CLSPN: variants seen among roughly 807,000 people sequenced by gnomAD.
CLSPN encodes claspin, also known as claspin homolog.
In CLSPN, 85 loss-of-function variants were observed where a neutral mutation model predicts 156.3. The observed-to-expected ratio is 0.54, with a 90% CI of 0.46 to 0.65. The LOEUF is 0.65. Among genes scored for constraint, CLSPN ranks in the 30% least tolerant of loss-of-function variants. The pLI, the probability that CLSPN is intolerant of heterozygous loss-of-function variation, is 0.00. For missense variants in CLSPN, 1,407 were observed against 1,554.9 expected (o/e 0.90, Z 1.60); for synonymous variants, 534 against 542.4 (o/e 0.98, Z 0.22).
At chr1:35,756,027 T>A (rs1171136677) in intron 8 of CLSPN, among the ~76,000 whole-genome samples, 3 of 152,214 alleles carry the variant, frequency 2.0e-5, no homozygotes, top group Non-Finnish European at 4.4e-5. Flanking sequence ...CAAATCATAC[T>A]TCGGTGTTTT....
At position 35,735,032 on chromosome 1, in the gene CLSPN, C is replaced by A. The variant is rs1460536913; in HGVS notation, c.*1464G>T. 4.1e-6 allele frequency: 4 copies of A among 985,224 alleles called. No individual in the cohort carries two copies. In the African/African-American group the frequency reaches 7.0e-5, roughly 17 times the overall value. The allele number at this position is 985,224 out of a possible 1,614,324, so 61.0% of individuals were successfully genotyped here. On this transcript the variant is annotated 3_prime_UTR_variant, in exon 25 of 25. Transcript: ENST00000318121. ...TTCTCTCAAAATTAGTAATGAAATGCTGAAATGTCCATTGATTAGTGAGGG... is the reference window on the plus strand; with the variant it reads ...TTCTCTCAAAATTAGTAATGAAATGATGAAATGTCCATTGATTAGTGAGGG...
At chr1:35,726,764 C>T (rs1641201015) in intron 24 of CLSPN, among the ~76,000 whole-genome samples, 3 of 152,142 alleles carry the variant, frequency 2.0e-5, no homozygotes, top group East Asian at 1.9e-4. Context: ...ATCCCAGGCA[C>T]GGAGCTTGCC....
At chr1:35,767,872 A>G (rs1461837324) in intron 1 of CLSPN, among the ~76,000 whole-genome samples, 1 of 152,216 alleles carries the variant, frequency 6.6e-6, no homozygotes, top group African/African-American at 2.4e-5. Flanking sequence ...TAAATAAGAC[A>G]GTTTAAAAAG....
rs1571192821 is a variant in CLSPN, at chr1:35,737,759, C to T, written c.3664+233G>A. ...GAAAGCCAGAATTAACTACTCTGAG[C>T]CTTAGAACATAAAGTAAAACCAGCC... On this transcript the variant is annotated intron_variant, in intron 22 of 24. Coordinates refer to ENST00000318121, the MANE Select transcript of CLSPN (RefSeq NM_022111.4). 1.1e-5 allele frequency: 5 copies of T among 445,882 alleles called. No homozygotes were observed. The East Asian group carries it at 1.3e-4, about 11-fold the overall frequency. The allele number at this position is 445,882 out of a possible 1,614,324, so 27.6% of individuals were successfully genotyped here.
At chr1:35,751,119 G>A in intron 10 of CLSPN, 131 bp downstream of exon 10, 1 of 1,086,496 alleles carries the variant, frequency 9.2e-7, no homozygotes, top group Non-Finnish European at 1.3e-6. Flanking sequence ...GGATATATGA[G>A]GTAGTTACCC....
intron 8 of CLSPN, among the ~76,000 whole-genome samples, chr1:35,759,832 T>TC (rs1235859924): frequency 1.4e-4 from 20 of 145,210 alleles, no homozygotes; most frequent in African/African-American, 5.1e-4. Flanking sequence ...CAACAACCTT[T>TC]TTTTTTTTTT....
exon 25 of CLSPN, chr1:35,720,754 C>G (rs559228413): frequency 1.8e-6 from 1 of 550,686 alleles, no homozygotes; most frequent in South Asian, 3.0e-5. Context: ...CCCAAATCCT[C>G]ACTCCTAAAG....
In CLSPN at chr1:35,754,001, T is replaced by C. The variant is rs1168078846; in HGVS notation, c.1580-65A>G. 8.1e-6 allele frequency: 12 copies of C among 1,475,170 alleles called. No homozygotes were observed. The East Asian group carries it at 1.2e-4, about 14-fold the overall frequency. The allele number at this position is 1,475,170 out of a possible 1,614,324, so 91.4% of individuals were successfully genotyped here. A position where few individuals can be genotyped will look rare whatever the true frequency, so the allele number is the denominator to read the frequency against. ...TCAAAACTCTTTCCTTTAAGACTTA[T>C]AAGCTAAGTTTTTTTTAGCTCAACA... On this transcript the variant is annotated intron_variant, in intron 8 of 24. Transcript: ENST00000318121.
chr1:35,727,291 C>A (rs1246935528), downstream of CLSPN, among the ~76,000 whole-genome samples: 5 of 152,218 alleles, frequency 3.3e-5, no homozygotes, highest in Non-Finnish European at 7.3e-5. Context: ...CCAGTGACAG[C>A]CTCAGCCAAC....
intron 8 of CLSPN, among the ~76,000 whole-genome samples, chr1:35,755,644 T>C (rs1370149005): frequency 1.3e-5 from 2 of 152,132 alleles, no homozygotes; most frequent in African/African-American, 4.8e-5. Flanking sequence ...TGGACTGAAA[T>C]GATCCACCCT....
Position 35,763,164 on chromosome 1 carries a change from T to A in CLSPN, c.740A>T (p.His247Leu). 6.4e-7 allele frequency: 1 copy of A among 1,567,394 alleles called. No individual in the cohort carries two copies. The highest frequency in any genetic ancestry group is 8.6e-7 in the Non-Finnish European group (1 of 1,161,604). The change falls in exon 4 of 25, where the codon CAC becomes CTC. Residue 247 changes from histidine to leucine, a missense_variant. Transcript: ENST00000318121. Reference protein sequence around the residue: ...RAAVKNKVKKHKKKEPSLESG... With the variant: ...RAAVKNKVKKLKKKEPSLESG... ...TTGCAATCATGCTTTACTTGCCTTG[T>A]GCTTTTTTACTTTGTTTTTTACAGC...
chr1:35,760,470 C>T lies in CLSPN; in HGVS notation c.1451G>A (p.Gly484Glu). The stretch of plus-strand genomic sequence containing the variant: ...AAACCGTCTCACTTTTTCAGGTGGC[C>T]CAACTGCTGATGATTTATTTTGCTG... ...PEQQNKSSAV[G>E]PPEKVRRFTL... is the part of the protein sequence containing the mutation. The change falls in exon 8 of 25, where the codon GGG becomes GAG. Residue 484 changes from glycine (G) to glutamate (E), a missense_variant. Gly to Glu is a moderately conservative substitution (Grantham distance 98). Transcript: ENST00000318121. 1 of 1,614,132 alleles carries T rather than the reference C, an allele frequency of 6.2e-7. No homozygotes were observed.
At chr1:35,768,538 G>C (rs1642752246) in intron 1 of CLSPN, among the ~76,000 whole-genome samples, 1 of 151,696 alleles carries the variant, frequency 6.6e-6, no homozygotes, top group African/African-American at 2.4e-5. Flanking sequence ...CACCCGAGTA[G>C]CTGGGACCGA....
In CLSPN at chr1:35,739,252, G is replaced by C; in HGVS notation, c.3314C>G (p.Thr1105Ser). 2 of 1,614,124 alleles carry C rather than the reference G, an allele frequency of 1.2e-6. No individual in the cohort carries two copies. The highest frequency in any genetic ancestry group is 8.5e-7 in the Non-Finnish European group (1 of 1,180,028). The part of the protein sequence containing the change: ...QSQIKKIHMK[T>S]MLDDDKRQLR... ...CTGTCGCTTATCATCATCCAACATA[G>C]TTTTCCTGCAACAGGAGAAATAAGG... is the stretch of plus-strand genomic sequence containing the variant. The change falls in exon 20 of 25, where the codon ACT (threonine) becomes AGT (serine). Residue 1105 changes from threonine (T) to serine (S), a missense_variant. Transcript: ENST00000318121.
rs569293388 is a variant in CLSPN, at chr1:35,737,467, G to C, written c.3665-46C>G. 8.3e-6 allele frequency: 12 copies of C among 1,447,468 alleles called. No individual in the cohort carries two copies. The East Asian group carries it at 2.5e-4, about 30-fold the overall frequency. 89.7% of individuals were successfully genotyped at this position (1,447,468 alleles called of 1,614,324 possible). A position where few individuals can be genotyped will look rare whatever the true frequency, so the allele number is the denominator to read the frequency against. On this transcript the variant is annotated intron_variant, in intron 22 of 24. Transcript: ENST00000318121. ...GGCCTATTCTGGGAAAAGCTGATTAGAATTACTTTTAAATCTAAACAAGCT... is the reference window on the plus strand; with the variant it reads ...GGCCTATTCTGGGAAAAGCTGATTACAATTACTTTTAAATCTAAACAAGCT...
At chr1:35,762,195 C>G (rs1484462869) in intron 5 of CLSPN, 125 bp from the exon 6 acceptor site, 8 of 818,094 alleles carry the variant, frequency 9.8e-6, no homozygotes, top group Non-Finnish European at 1.6e-5. Context: ...TGAGTAAGCC[C>G]AAATGCAGTA....
rs1252545479 is a variant in CLSPN, at chr1:35,760,768, T to C, written c.1153A>G (p.Lys385Glu). Residue 385 changes from lysine (K) to glutamate (E), a missense_variant, in exon 8 of 25, where the codon AAG (lysine) becomes GAG (glutamate). Around this residue, in one of 3 missense-constraint regions of CLSPN, gnomAD observed 1,096 missense variants for 1,193.0 expected, o/e 0.92. Transcript: ENST00000318121. Reference sequence around the variant, plus strand: ...GATCCAGTAATGATCTGGGTTTCCTTTGAAACTACAGGGAGTGCATTAGTT... The same window carrying C: ...GATCCAGTAATGATCTGGGTTTCCTCTGAAACTACAGGGAGTGCATTAGTT... ...VETNALPVVS[K>E]ETQIITGSDE... The C allele has an allele frequency of 6.2e-7, 1 of 1,613,886 alleles. No homozygotes were observed. The highest frequency in any genetic ancestry group is 8.5e-7 in the Non-Finnish European group (1 of 1,180,040).
Position 35,769,947 on chromosome 1 carries a change from C to T in CLSPN, c.-77G>A. The T allele has an allele frequency of 6.4e-7, 1 of 1,557,540 alleles. No individual in the cohort carries two copies. Among genetic ancestry groups the T allele is most frequent in the Middle Eastern group, 1.7e-4 (1 of 5,920 alleles). ...TCAGCCGGAGAGCAGCGGCTCCCGC[C>T]GTCTCCAGCCCAGCAGTGCTGTTCT... On this transcript the variant is annotated 5_prime_UTR_variant, in exon 1 of 25. Coordinates refer to ENST00000318121, the MANE Select transcript of CLSPN (RefSeq NM_022111.4).
rs1641847735 is a variant in CLSPN at position 35,745,500 on chromosome 1, G to C, written c.2917C>G (p.Pro973Ala). The C allele has an allele frequency of 6.2e-7, 1 of 1,614,004 alleles. No homozygotes were observed. The highest frequency in any genetic ancestry group is 2.2e-5 in the East Asian group (1 of 44,884). ...KQEKESSMGD[P>A]MEEALALCSG... ...CAAAGAGCAAGTGCTTCTTCCATTG[G>C]ATCACCCATGCTGCTCTCCTTCTCC... The change falls in exon 16 of 25, where the codon CCA (proline) becomes GCA (alanine). Residue 973 changes from proline to alanine, a missense_variant. This residue lies in a region of CLSPN where 1,096 missense variants were observed against 1,193.0 expected (regional missense o/e 0.92). Transcript: ENST00000318121.
Sources: gnomAD v4.1 joint callset for allele counts (sites outside exome capture counted in the v4.1 genomes callset) on GRCh38, gnomAD v4.1.1 for gene constraint, gnomAD v4.1.1 regional missense constraint, MANE v1.5 for transcripts, NCBI Gene and HGNC (gene_info 2026-07-23, HGNC 2026-07-21) for gene names.